The following CSMD1 variants were observed in gnomAD, a reference collection of about 807,000 sequenced individuals.
CSMD1 encodes the protein CUB and Sushi multiple domains 1, also known as CUB and sushi domain-containing protein 1.
In CSMD1, 213 loss-of-function variants were observed where a neutral mutation model predicts 417.5. The ratio of observed to expected loss-of-function variants is 0.51; its 90% CI spans 0.46 to 0.57. The LOEUF (loss-of-function observed/expected upper bound fraction) is 0.57. Ranked by LOEUF, CSMD1 falls within the 20% of genes least tolerant of loss-of-function variation. The pLI is 0.00. For synonymous variants in CSMD1, 2,862 were observed against 1,736.8 expected (o/e 1.65, Z -16.11); for missense variants, 6,923 against 4,529.7 (o/e 1.53, Z -15.17).
At chr8:3,992,051 T>C (rs756829507) in intron 5 of CSMD1, among the ~76,000 whole-genome samples, 2 of 151,870 alleles carry the variant, frequency 1.3e-5, no homozygotes, top group Non-Finnish European at 2.9e-5. Context: ...AGAGCTACAA[T>C]ATCATGTTAA....
chr8:3,977,829 T>A (rs1320464631), intron 5 of CSMD1, among the ~76,000 whole-genome samples: 1 of 152,218 alleles, frequency 6.6e-6, no homozygotes, highest in Admixed American at 6.5e-5. Context: ...CTGTAGGTTT[T>A]CAGCAAGTCA....
At chr8:4,341,132 C>G (rs1173868426) in intron 3 of CSMD1, among the ~76,000 whole-genome samples, 1 of 152,026 alleles carries the variant, frequency 6.6e-6, no homozygotes, top group Non-Finnish European at 1.5e-5. Context: ...GCCTAGGTAA[C>G]AAGGCCTATC....
At chr8:4,354,711 A>G (rs984290585) in intron 3 of CSMD1, among the ~76,000 whole-genome samples, 1 of 152,154 alleles carries the variant, frequency 6.6e-6, no homozygotes, top group Admixed American at 6.5e-5. Flanking sequence ...ATATTTTTGA[A>G]ACACTTGTAT....
intron 5 of CSMD1, among the ~76,000 whole-genome samples, chr8:3,976,598 C>A (rs995255343): frequency 1.3e-5 from 2 of 152,306 alleles, no homozygotes; most frequent in East Asian, 3.9e-4. Context: ...GCAAGATTTG[C>A]ATAAGCATTA....
chr8:4,808,657 A>G (rs537497500), intron 1 of CSMD1, among the ~76,000 whole-genome samples: 3 of 152,318 alleles, frequency 2.0e-5, no homozygotes, highest in Admixed American at 2.0e-4. Context: ...CCTTTGGACA[A>G]TCGGTTTCAA....
intron 5 of CSMD1, among the ~76,000 whole-genome samples, chr8:3,785,651 G>A (rs1383631139): frequency 6.6e-6 from 1 of 152,170 alleles, no homozygotes; most frequent in Non-Finnish European, 1.5e-5. Context: ...ATTGAAGGAA[G>A]AGTTGGCATC....
chr8:4,048,232 G>A (rs1452559396), intron 3 of CSMD1, among the ~76,000 whole-genome samples: 2 of 152,128 alleles, frequency 1.3e-5, no homozygotes, highest in Non-Finnish European at 2.9e-5. Flanking sequence ...TTTGTTATTA[G>A]TCACTGAGAT....
At position 4,197,057 on chromosome 8, in the gene CSMD1, T is replaced by C. The variant is rs1452669444; in HGVS notation, c.416-164958A>G. On this transcript the variant is annotated intron_variant, in intron 3 of 69. Transcript: ENST00000635120. ...TCTGTTAAATTTAACAATTATTCAC[T>C]GAGAGCTTGTGTTCTATGGGAAATG... Among the ~76,000 whole-genome samples the C allele has an allele frequency of 4.6e-5, 7 of 152,200 alleles. No homozygotes were observed. The South Asian group carries it at 1.0e-3, about 22-fold the overall frequency.
intron 5 of CSMD1, among the ~76,000 whole-genome samples, chr8:3,791,292 A>G (rs930187904): frequency 3.8e-4 from 58 of 152,338 alleles, no homozygotes; most frequent in African/African-American, 1.4e-3. Flanking sequence ...TAATTAATGA[A>G]CATAAATTTA....
At chr8:3,042,000 G>A (rs907976865) in intron 50 of CSMD1, among the ~76,000 whole-genome samples, 11 of 152,152 alleles carry the variant, frequency 7.2e-5, no homozygotes, top group African/African-American at 2.4e-4. Context: ...GCTCTGGAAG[G>A]CACAGAAGCC....
intron 2 of CSMD1, among the ~76,000 whole-genome samples, chr8:4,529,221 G>A (rs1242877724): frequency 6.6e-6 from 1 of 152,148 alleles, no homozygotes; most frequent in African/African-American, 2.4e-5. Flanking sequence ...ACAATATTGA[G>A]AAGTCACTTG....
chr8:4,318,509 G>A (rs892398386), intron 3 of CSMD1, among the ~76,000 whole-genome samples: 2 of 152,032 alleles, frequency 1.3e-5, no homozygotes, highest in African/African-American at 2.4e-5. Flanking sequence ...CTCAACTGGC[G>A]AGAAAACTTG....
At chr8:3,542,542 A>G (rs1427019574) in intron 10 of CSMD1, among the ~76,000 whole-genome samples, 1 of 152,146 alleles carries the variant, frequency 6.6e-6, no homozygotes, top group Non-Finnish European at 1.5e-5. Flanking sequence ...AGGGACTGGG[A>G]AGGAACACGG....
intron 26 of CSMD1, among the ~76,000 whole-genome samples, chr8:3,265,674 T>C (rs1450722384): frequency 6.6e-6 from 1 of 152,214 alleles, no homozygotes; most frequent in Non-Finnish European, 1.5e-5. Flanking sequence ...GTGCTAGGAT[T>C]TTATTCTAAT....
chr8:3,841,051 A>C (rs933691433), intron 5 of CSMD1, among the ~76,000 whole-genome samples: 1 of 152,058 alleles, frequency 6.6e-6, no homozygotes, highest in Non-Finnish European at 1.5e-5. Context: ...GCAAAATTCC[A>C]GGACAAACAC....
chr8:3,071,957 C>T (rs1040661354), intron 49 of CSMD1, among the ~76,000 whole-genome samples: 4 of 152,214 alleles, frequency 2.6e-5, no homozygotes, highest in Non-Finnish European at 5.9e-5. Flanking sequence ...CTGGAAGCAA[C>T]CCTTCCAGTA....
chr8:3,758,470 G>A (rs1437786869), intron 5 of CSMD1, among the ~76,000 whole-genome samples: 1 of 152,150 alleles, frequency 6.6e-6, no homozygotes, highest in Non-Finnish European at 1.5e-5. Flanking sequence ...AATGAGACCT[G>A]GCCTTAGAAC....
chr8:3,432,508 CTT>C (rs769207768), intron 12 of CSMD1, among the ~76,000 whole-genome samples: 107 of 105,294 alleles, frequency 1.0e-3, no homozygotes, highest in South Asian at 1.3e-3. Context: ...TCAATATGGG[CTT>C]TTTTTTTTTT....
chr8:4,905,493 C>G (rs930552616), intron 1 of CSMD1, among the ~76,000 whole-genome samples: 1 of 152,018 alleles, frequency 6.6e-6, no homozygotes, highest in Non-Finnish European at 1.5e-5. Context: ...CACATTATTT[C>G]CATCTATTCC....
Sources: allele counts gnomAD v4.1 joint callset (sites outside exome capture counted in the v4.1 genomes callset), GRCh38; gene constraint gnomAD v4.1.1; transcripts MANE v1.5; gene names NCBI Gene and HGNC (gene_info 2026-07-23, HGNC 2026-07-21).